Variants in SLCO4C1 observed in about 807,000 individuals in gnomAD.
SLCO4C1 encodes the protein solute carrier organic anion transporter family member 4C1, also known as organic anion transporter M1.
SLCO4C1 carries 58 observed loss-of-function variants against 72.1 expected under a neutral mutation model. That is an observed-to-expected ratio of 0.80 (90% CI 0.65 to 1.00). SLCO4C1 has a LOEUF of 1.00. SLCO4C1 is among the 50% of genes least tolerant of loss of function. The probability of loss-of-function intolerance (pLI) is 0.00; values close to 1 mark genes in which losing one functional copy is unlikely to be tolerated. For synonymous variants in SLCO4C1, 297 were observed against 312.5 expected, an observed-to-expected ratio of 0.95 and a Z score of 0.52; for missense variants, 898 against 857.9, an observed-to-expected ratio of 1.05 and a Z score of -0.58.
At chr5:102,285,212 T>TACACACACACACACACAC (rs3070619) in intron 2 of SLCO4C1, among the ~76,000 whole-genome samples, 1,948 of 147,912 alleles carry the variant, frequency 0.013, 52 homozygotes, top group African/African-American at 0.046. Context: ...TATATATACA[T>TACACACACACACACACAC]ACACACACAC....
At position 102,291,342 on chromosome 5, in the gene SLCO4C1, C is replaced by CT; in HGVS notation, c.619_619+1insA (p.Asp207GlufsTer9). 6.2e-7 allele frequency: 1 copy of CT among 1,609,970 alleles called. No individual in the cohort carries two copies. The highest frequency in any genetic ancestry group is 8.5e-7 in the Non-Finnish European group (1 of 1,178,884). Reference sequence around the variant, plus strand: ...CAAACATAAACACAATAGAAACTTACCTTCAAAAAGAGACCCCAATTTATA... The same window carrying CT: ...CAAACATAAACACAATAGAAACTTACTCTTCAAAAAGAGACCCCAATTTATA... On this transcript the variant is annotated frameshift_variant and splice_region_variant. Coordinates refer to ENST00000310954, the MANE Select transcript of SLCO4C1 (RefSeq NM_180991.5). LOFTEE classifies it high-confidence loss of function.
intron 2 of SLCO4C1, among the ~76,000 whole-genome samples, chr5:102,273,184 C>A (rs182252599): frequency 1.0e-3 from 157 of 151,594 alleles, no homozygotes; most frequent in African/African-American, 3.7e-3. Flanking sequence ...AATAAGACAC[C>A]AAGATTTAAA....
At chr5:102,293,648 T>A (rs1323580262) in intron 1 of SLCO4C1, among the ~76,000 whole-genome samples, 1 of 152,226 alleles carries the variant, frequency 6.6e-6, no homozygotes, top group African/African-American at 2.4e-5. Context: ...ATCTTAAGGA[T>A]CATGTTTGAG....
chr5:102,287,255 AT>A (rs1232715131), intron 2 of SLCO4C1, among the ~76,000 whole-genome samples: 16 of 152,154 alleles, frequency 1.1e-4, no homozygotes, highest in Admixed American at 5.2e-4. Flanking sequence ...AATAATTCAG[AT>A]TTTTCGTTAT....
intron 1 of SLCO4C1, 126 bp from the exon 2 acceptor site, chr5:102,291,732 C>T: frequency 2.8e-6 from 2 of 721,720 alleles, no homozygotes; most frequent in Non-Finnish European, 4.0e-6. Flanking sequence ...TTTTCAAAGC[C>T]TCAAAGTTTC....
chr5:102,237,414 GCAC>G (rs1748457462), intron 12 of SLCO4C1, among the ~76,000 whole-genome samples: 1 of 150,938 alleles, frequency 6.6e-6, no homozygotes, highest in African/African-American at 2.4e-5. Context: ...ACCAGGCTGG[GCAC>G]CATAGGAAAC....
chr5:102,287,659 C>T (rs892231229), intron 2 of SLCO4C1, among the ~76,000 whole-genome samples: 1 of 151,076 alleles, frequency 6.6e-6, no homozygotes, highest in African/African-American at 2.4e-5. Flanking sequence ...TTTCTCCTGC[C>T]TCAGGCTCCC....
At chr5:102,270,520 G>A (rs1336333443) in intron 3 of SLCO4C1, 104 bp downstream of exon 3, 4 of 880,696 alleles carry the variant, frequency 4.5e-6, no homozygotes, top group Non-Finnish European at 6.4e-6. Context: ...GAAAACCTAT[G>A]GCATTACAAC....
intron 8 of SLCO4C1, among the ~76,000 whole-genome samples, chr5:102,256,172 C>A (rs566221440): frequency 6.6e-5 from 10 of 152,036 alleles, no homozygotes; most frequent in African/African-American, 2.2e-4. Flanking sequence ...CCACTGCACT[C>A]CAGCCTGGGT....
intron 9 of SLCO4C1, among the ~76,000 whole-genome samples, chr5:102,248,236 G>A (rs1748671378): frequency 6.6e-6 from 1 of 151,820 alleles, no homozygotes; most frequent in African/African-American, 2.4e-5. Flanking sequence ...AATGTATATG[G>A]GTGCTTATTA....
chr5:102,250,996 G>T (rs1026978445), intron 8 of SLCO4C1, among the ~76,000 whole-genome samples: 2 of 151,394 alleles, frequency 1.3e-5, no homozygotes, highest in African/African-American at 2.4e-5. Flanking sequence ...AAAAAAAATC[G>T]TAAAAAATAT....
chr5:102,240,561 T>C (rs565227931), intron 11 of SLCO4C1, among the ~76,000 whole-genome samples, 157 bp downstream of exon 11: 11 of 152,186 alleles, frequency 7.2e-5, no homozygotes, highest in African/African-American at 2.6e-4. Context: ...AAGTAAATAA[T>C]CCTATATCTG....
At position 102,244,060 on chromosome 5, in the gene SLCO4C1, G is replaced by A. The variant is rs534908768; in HGVS notation, c.1811+3192C>T. 5.9e-5 allele frequency among the ~76,000 whole-genome samples: 9 copies of A among 152,100 alleles called. No homozygotes were observed. In the South Asian group the frequency reaches 6.2e-4, roughly 11 times the overall value. ...AAATTAGCTGGGCATGGTGGTGCAC[G>A]TCTGTCATCCCAGCTACTCGGGAGG... On this transcript the variant is annotated intron_variant, in intron 10 of 12. Transcript: ENST00000310954.
intron 2 of SLCO4C1, among the ~76,000 whole-genome samples, chr5:102,290,837 A>G (rs1242611011): frequency 6.6e-6 from 1 of 152,162 alleles, no homozygotes; most frequent in African/African-American, 2.4e-5. Flanking sequence ...ATATTTCTCC[A>G]TCTAACGAGA....
Position 102,236,599 on chromosome 5 carries a change from TGTGTTC to T in SLCO4C1, c.*253_*258del, listed in dbSNP as rs906507439. Reference sequence around the variant, plus strand: ...ATGTGTGCGTGTGTGTGTGTGTGTGTGTGTTCGTGTGTGTGTGTGTGTGTGTGCTCG... The same window carrying T: ...ATGTGTGCGTGTGTGTGTGTGTGTGTGTGTGTGTGTGTGTGTGTGTGCTCG... On this transcript the variant is annotated 3_prime_UTR_variant, in exon 13 of 13. Coordinates refer to ENST00000310954, the MANE Select transcript of SLCO4C1 (RefSeq NM_180991.5). 8.7e-6 allele frequency: 3 copies of T among 345,148 alleles called. No homozygotes were observed. Among genetic ancestry groups the T allele is most frequent in the African/African-American group, 5.1e-5 (2 of 39,298 alleles). The allele number at this position is 345,148 out of a possible 1,614,324, so 21.4% of individuals were successfully genotyped here. A position where few individuals can be genotyped will look rare whatever the true frequency, so the allele number is the denominator to read the frequency against.
At chr5:102,255,999 A>T (rs1459234379) in intron 8 of SLCO4C1, among the ~76,000 whole-genome samples, 1 of 152,148 alleles carries the variant, frequency 6.6e-6, no homozygotes, top group East Asian at 1.9e-4. Flanking sequence ...TGAGGTCAGA[A>T]GTTTGAGACC....
At chr5:102,292,018 T>A (rs911658602) in intron 1 of SLCO4C1, among the ~76,000 whole-genome samples, 1 of 152,010 alleles carries the variant, frequency 6.6e-6, no homozygotes, top group Non-Finnish European at 1.5e-5. Context: ...AGAGATGGGG[T>A]TTCACCATGT....
chr5:102,237,290 T>C (rs190180918), intron 12 of SLCO4C1, among the ~76,000 whole-genome samples: 1 of 152,288 alleles, frequency 6.6e-6, no homozygotes, highest in African/African-American at 2.4e-5. Context: ...AAAATAAGTG[T>C]TGTATAGAAC....
chr5:102,279,157 A>C (rs1749308016), intron 2 of SLCO4C1, among the ~76,000 whole-genome samples: 1 of 151,928 alleles, frequency 6.6e-6, no homozygotes. Flanking sequence ...AAAGGATTTC[A>C]CAACAGATCC....
Sources: gnomAD v4.1 joint callset for allele counts (sites outside exome capture counted in the v4.1 genomes callset) on GRCh38, gnomAD v4.1.1 for gene constraint, MANE v1.5 for transcripts, NCBI Gene and HGNC (gene_info 2026-07-23, HGNC 2026-07-21) for gene names.